P2RY6: variants seen among roughly 807,000 people sequenced by gnomAD.
P2RY6 encodes pyrimidinergic receptor P2Y6.
In P2RY6, 19 loss-of-function variants were observed where a neutral mutation model predicts 16.3. That is an observed-to-expected ratio of 1.16 (90% confidence interval 0.81 to 1.71). P2RY6 has a LOEUF of 1.71. P2RY6 is among the 40% of genes most tolerant of loss of function. P2RY6 has a pLI of 0.00. For synonymous variants in P2RY6, 184 were observed against 201.5 expected, an observed-to-expected ratio of 0.91 and a Z score of 0.74; for missense variants, 389 against 455.5, an observed-to-expected ratio of 0.85 and a Z score of 1.33.
chr11:73,274,595 A>G (rs1202791591), intron 1 of P2RY6, among the ~76,000 whole-genome samples: 1 of 152,156 alleles, frequency 6.6e-6, no homozygotes, highest in Non-Finnish European at 1.5e-5. Flanking sequence ...GAAAGCAGTC[A>G]GAATTATTGT....
At chr11:73,273,695 G>C (rs1028285284) in intron 1 of P2RY6, among the ~76,000 whole-genome samples, 24 of 152,130 alleles carry the variant, frequency 1.6e-4, no homozygotes, top group African/African-American at 5.8e-4. Flanking sequence ...CTGGAGACCT[G>C]ACTGCCGGGA....
intron 1 of P2RY6, among the ~76,000 whole-genome samples, chr11:73,295,446 C>T (rs1439256525): frequency 6.6e-6 from 1 of 152,216 alleles, no homozygotes; most frequent in Non-Finnish European, 1.5e-5. Context: ...GTGGGCTACA[C>T]TAAGCTGTCT....
intron 1 of P2RY6, among the ~76,000 whole-genome samples, chr11:73,285,735 G>C (rs546085969): frequency 1.4e-3 from 216 of 152,302 alleles, no homozygotes; most frequent in African/African-American, 5.0e-3. Flanking sequence ...GGTAGCAAAG[G>C]GTTTTGTCTT....
intron 1 of P2RY6, among the ~76,000 whole-genome samples, chr11:73,278,496 T>G (rs539625586): frequency 6.6e-6 from 1 of 152,034 alleles, no homozygotes. Flanking sequence ...CCACTGAAAC[T>G]CTATGCCCAT....
chr11:73,288,022 G>A (rs184266847), intron 1 of P2RY6, among the ~76,000 whole-genome samples: 40 of 152,358 alleles, frequency 2.6e-4, no homozygotes, highest in Admixed American at 1.2e-3. Flanking sequence ...CCGGGGCCGC[G>A]TGGTCTCTAA....
rs746623384 is a variant in P2RY6 at position 73,297,557 on chromosome 11, A to G, written c.*52A>G. ...TATTTGCCATTGTGTCCGGGGCACC[A>G]GGAGCCCCACCAACCCCAAACCATG... On this transcript the variant is annotated 3_prime_UTR_variant, in exon 3 of 3. Transcript: ENST00000540124. The G allele has an allele frequency of 6.9e-7, 1 of 1,441,784 alleles. No individual in the cohort carries two copies. 89.3% of individuals were successfully genotyped at this position (1,441,784 alleles called of 1,614,324 possible).
intron 1 of P2RY6, among the ~76,000 whole-genome samples, chr11:73,273,375 CTA>C (rs1053305231): frequency 2.6e-4 from 39 of 152,076 alleles, no homozygotes; most frequent in African/African-American, 8.7e-4. Flanking sequence ...CCTTTGCAAA[CTA>C]TAAAGTGTTG....
intron 1 of P2RY6, among the ~76,000 whole-genome samples, chr11:73,293,337 G>A (rs79369715): frequency 0.047 from 7,105 of 152,286 alleles, 590 homozygotes; most frequent in African/African-American, 0.16. Flanking sequence ...TAGGACTGGA[G>A]GGCTTGGCAG....
intron 1 of P2RY6, among the ~76,000 whole-genome samples, chr11:73,288,270 G>C (rs1020211865): frequency 1.3e-5 from 2 of 152,220 alleles, no homozygotes; most frequent in African/African-American, 4.8e-5. Context: ...TGGGGTCTTG[G>C]GAGATGCAAG....
At chr11:73,279,648 T>C (rs546179369) in intron 1 of P2RY6, among the ~76,000 whole-genome samples, 4 of 152,230 alleles carry the variant, frequency 2.6e-5, no homozygotes, top group African/African-American at 4.8e-5. Context: ...CAGTCTTCCA[T>C]GGTCTGCACA....
intron 1 of P2RY6, chr11:73,264,658 G>C (rs529607180): frequency 1.5e-4 from 23 of 152,642 alleles, no homozygotes; most frequent in Admixed American, 1.0e-3. Context: ...AGGTAAGGGC[G>C]TGCGCGGGCA....
At chr11:73,286,096 C>A (rs1233700095) in intron 1 of P2RY6, among the ~76,000 whole-genome samples, 1 of 152,196 alleles carries the variant, frequency 6.6e-6, no homozygotes, top group Non-Finnish European at 1.5e-5. Context: ...GTCAGGGAGG[C>A]TTCAGAGAGC....
intron 1 of P2RY6, among the ~76,000 whole-genome samples, chr11:73,281,926 G>A (rs565547918): frequency 6.6e-6 from 1 of 152,326 alleles, no homozygotes; most frequent in African/African-American, 2.4e-5. Flanking sequence ...CAAGTCCCCT[G>A]CAACCAAAGC....
intron 1 of P2RY6, among the ~76,000 whole-genome samples, chr11:73,285,334 A>G (rs762252912): frequency 3.9e-5 from 6 of 152,206 alleles, no homozygotes; most frequent in Non-Finnish European, 5.9e-5. Context: ...TTGGCCTCCC[A>G]AAGTGCTGAG....
chr11:73,275,435 T>C (rs1458161069), intron 1 of P2RY6, among the ~76,000 whole-genome samples: 1 of 152,158 alleles, frequency 6.6e-6, no homozygotes, highest in Non-Finnish European at 1.5e-5. Context: ...GACAGGGGCA[T>C]GACAGGGACA....
chr11:73,275,294 G>A (rs1351131668), intron 1 of P2RY6, among the ~76,000 whole-genome samples: 2 of 152,308 alleles, frequency 1.3e-5, no homozygotes, highest in Admixed American at 1.3e-4. Flanking sequence ...AGTGGTGGCT[G>A]TCCTGTGGTA....
intron 1 of P2RY6, among the ~76,000 whole-genome samples, chr11:73,273,999 C>T (rs1037796241): frequency 1.3e-5 from 2 of 152,154 alleles, no homozygotes; most frequent in Admixed American, 1.3e-4. Flanking sequence ...CAATGTTCAA[C>T]TAATTTTTAA....
At chr11:73,292,800 C>A (rs1190587637) in intron 1 of P2RY6, 6 of 985,254 alleles carry the variant, frequency 6.1e-6, no homozygotes, top group Non-Finnish European at 7.2e-6. Context: ...GGAAGCTGCT[C>A]ACTCTGTCAG....
intron 1 of P2RY6, among the ~76,000 whole-genome samples, chr11:73,293,855 G>A (rs1263296271): frequency 6.6e-6 from 1 of 152,128 alleles, no homozygotes; most frequent in African/African-American, 2.4e-5. Flanking sequence ...CTGGGGGTGG[G>A]ATCTGAGGGT....
Sources: gnomAD v4.1 joint callset for allele counts (sites outside exome capture counted in the v4.1 genomes callset) on GRCh38, gnomAD v4.1.1 for gene constraint, MANE v1.5 for transcripts, NCBI Gene and HGNC (gene_info 2026-07-23, HGNC 2026-07-21) for gene names.